RNF111: variants seen among roughly 807,000 people sequenced by gnomAD.
RNF111 encodes E3 ubiquitin-protein ligase Arkadia.
In RNF111, 17 loss-of-function variants were observed where a neutral mutation model predicts 95.1. The observed-to-expected ratio is 0.18, with a 90% CI of 0.12 to 0.27. The LOEUF (loss-of-function observed/expected upper bound fraction) is 0.27. RNF111 is among the 10% of genes least tolerant of loss of function. The probability of loss-of-function intolerance (pLI) is 1.00; values close to 1 mark genes in which losing one functional copy is unlikely to be tolerated. For missense variants in RNF111, 1,189 were observed against 1,210.4 expected (o/e 0.98, Z 0.26); for synonymous variants, 440 against 414.8 (o/e 1.06, Z -0.74).
chr15:59,059,390 C>T (rs556672921), intron 5 of RNF111, among the ~76,000 whole-genome samples: 94 of 152,246 alleles, frequency 6.2e-4, no homozygotes, highest in African/African-American at 2.0e-3. Flanking sequence ...GAAATTGGAA[C>T]CCTTGCGAAT....
chr15:59,076,202 C>T lies in RNF111; in HGVS notation c.1935C>T (p.Tyr645=), dbSNP rs2043159222. The T allele has an allele frequency of 6.2e-7, 1 of 1,613,266 alleles. No homozygotes were observed. Among genetic ancestry groups the T allele is most frequent in the Admixed American group, 1.7e-5 (1 of 59,996 alleles). ...PQPSLSSCRH[Y]MPPPYASLTR... ...CCTCTCTCTCATCATGTCGACATTA[C>T]ATGCCACCCCCTTGTAAGTATATAC... The change falls in exon 7 of 14, where the codon TAC becomes TAT. Residue 645 remains tyrosine, a synonymous_variant. Transcript: ENST00000348370.
rs146289847 is a variant in RNF111 at position 58,994,172 on chromosome 15, G to A, written c.-20+6104G>A. 4.6e-5 allele frequency among the ~76,000 whole-genome samples: 7 copies of A among 151,060 alleles called. No individual in the cohort carries two copies. The East Asian group carries it at 1.4e-3, about 30-fold the overall frequency. On this transcript the variant is annotated intron_variant, in intron 1 of 13. Coordinates refer to ENST00000348370, the MANE Select transcript of RNF111 (RefSeq NM_017610.8). ...CCTGACTCACCCTCCCAGGTAGCTG[G>A]GATTAGAGGTGCACGCTACCACGCT...
intron 5 of RNF111, among the ~76,000 whole-genome samples, chr15:59,062,309 T>C (rs766196560): frequency 6.6e-5 from 10 of 152,108 alleles, no homozygotes; most frequent in Non-Finnish European, 1.0e-4. Flanking sequence ...TTCCAAAGTG[T>C]TGGGATTACA....
chr15:58,998,722 T>C (rs985875599), intron 1 of RNF111, among the ~76,000 whole-genome samples: 1 of 152,196 alleles, frequency 6.6e-6, no homozygotes, highest in South Asian at 2.1e-4. Context: ...ATTCAAACTT[T>C]CAAGCAAAAA....
intron 1 of RNF111, among the ~76,000 whole-genome samples, chr15:59,019,723 C>G (rs1226895422): frequency 5.3e-5 from 8 of 152,152 alleles, no homozygotes; most frequent in African/African-American, 1.9e-4. Flanking sequence ...CTTTGGGAAG[C>G]TGAGGTGGGT....
chr15:59,093,162 C>T (rs543184417), intron 13 of RNF111, among the ~76,000 whole-genome samples: 7 of 152,156 alleles, frequency 4.6e-5, no homozygotes, highest in Admixed American at 3.3e-4. Flanking sequence ...AATATACTGC[C>T]TATTGTAGGG....
intron 4 of RNF111, 39 bp downstream of exon 4, chr15:59,055,884 G>C (rs376241962): frequency 6.6e-7 from 1 of 1,518,496 alleles, no homozygotes; most frequent in African/African-American, 1.4e-5. Context: ...TATGAAAGGA[G>C]TTTGATAAAA....
At chr15:59,020,953 G>C (rs1299045411) in intron 1 of RNF111, among the ~76,000 whole-genome samples, 1 of 152,112 alleles carries the variant, frequency 6.6e-6, no homozygotes, top group Non-Finnish European at 1.5e-5. Flanking sequence ...TGGGGAACAG[G>C]TGGTGTTTGG....
rs1324242682 is a variant in RNF111 at position 59,058,205 on chromosome 15, T to C, written c.1172-151T>C. 15 of 640,230 alleles carry C rather than the reference T, an allele frequency of 2.3e-5. No homozygotes were observed. In the Admixed American group the frequency reaches 4.6e-4, roughly 19 times the overall value. The allele number at this position is 640,230 out of a possible 1,614,324, so 39.7% of individuals were successfully genotyped here. Reference sequence around the variant, plus strand: ...GTCTGTTCGATATTGCAGTTTAGCTTTGTGAACGCTTTCTTTACCAAATGT... The same window carrying C: ...GTCTGTTCGATATTGCAGTTTAGCTCTGTGAACGCTTTCTTTACCAAATGT... On this transcript the variant is annotated intron_variant, in intron 4 of 13. Transcript: ENST00000348370.
At chr15:59,050,037 G>T (rs1473738046) in intron 2 of RNF111, among the ~76,000 whole-genome samples, 1 of 150,062 alleles carries the variant, frequency 6.7e-6, no homozygotes, top group Non-Finnish European at 1.5e-5. Context: ...ACCACGCCCG[G>T]CCCACAGTAG....
At position 59,030,837 on chromosome 15, in the gene RNF111, T is replaced by G; in HGVS notation, c.15T>G (p.Thr5=). 6.3e-7 allele frequency: 1 copy of G among 1,585,406 alleles called. No homozygotes were observed. Among genetic ancestry groups the G allele is most frequent in the Non-Finnish European group, 8.6e-7 (1 of 1,165,926 alleles). The change falls in exon 2 of 14, where the codon ACT becomes ACG. Residue 5 remains threonine (T), a synonymous_variant. Transcript: ENST00000348370. The part of the protein sequence containing the change: MSQW[T]PEYNELYTLK... Reference sequence around the variant, plus strand: ...TAAAGTTTCCCATGTCTCAATGGACTCCTGAATATAACGAGCTCTACACCT... The same window carrying G: ...TAAAGTTTCCCATGTCTCAATGGACGCCTGAATATAACGAGCTCTACACCT...
intron 10 of RNF111, among the ~76,000 whole-genome samples, chr15:59,086,655 A>C (rs1236673547): frequency 6.6e-6 from 1 of 152,218 alleles, no homozygotes; most frequent in Admixed American, 6.5e-5. Context: ...TTCTAAGCAG[A>C]CTGGATTATG....
At chr15:59,080,299 T>G (rs1417680897) in intron 7 of RNF111, among the ~76,000 whole-genome samples, 2 of 151,968 alleles carry the variant, frequency 1.3e-5, no homozygotes, top group African/African-American at 4.8e-5. Flanking sequence ...TTTTGTATTT[T>G]TAGTGGAGAC....
chr15:59,087,814 C>A (rs2078939765), intron 10 of RNF111, among the ~76,000 whole-genome samples: 1 of 151,980 alleles, frequency 6.6e-6, no homozygotes, highest in Non-Finnish European at 1.5e-5. Context: ...CAAGGGTGAA[C>A]TGTAATATGG....
At chr15:59,035,463 A>G (rs2041132453) in intron 2 of RNF111, among the ~76,000 whole-genome samples, 4 of 152,302 alleles carry the variant, frequency 2.6e-5, no homozygotes, top group South Asian at 2.1e-4. Flanking sequence ...CCTAGATGCA[A>G]TGAGGGTACA....
At chr15:59,090,385 A>G (rs1294403561) in intron 11 of RNF111, among the ~76,000 whole-genome samples, 1 of 152,240 alleles carries the variant, frequency 6.6e-6, no homozygotes, top group African/African-American at 2.4e-5. Context: ...GCCCGCCACC[A>G]CGCCCGGCTA....
rs745812172 is a variant in RNF111 at position 59,097,088 on chromosome 15, A to G, written c.*2188A>G. The G allele has an allele frequency of 6.6e-6, 1 of 152,260 alleles. No homozygotes were observed. The highest frequency in any genetic ancestry group is 1.5e-5 in the Non-Finnish European group (1 of 68,046). The allele number at this position is 152,260 out of a possible 1,614,324, so 9.4% of individuals were successfully genotyped here. ...TGTTAATATAGGAGCTTATTAAGCT[A>G]CTGCCATTAGTTATCGAAAAATGTG... On this transcript the variant is annotated 3_prime_UTR_variant, in exon 14 of 14. Transcript: ENST00000348370.
rs867345244 is a variant in RNF111 at position 58,997,774 on chromosome 15, C to G, written c.-20+9706C>G. The stretch of plus-strand genomic sequence containing the variant: ...GAGGTTGCAGTGAGCCAAGATTGCG[C>G]CACTGCACTCCAGCCTGGCGACAGT... On this transcript the variant is annotated intron_variant, in intron 1 of 13. Coordinates refer to ENST00000348370, the MANE Select transcript of RNF111 (RefSeq NM_017610.8). Among the ~76,000 whole-genome samples the G allele has an allele frequency of 4.0e-5, 6 of 151,102 alleles. No individual in the cohort carries two copies. The Middle Eastern group carries it at 0.01, about 257-fold the overall frequency.
chr15:59,053,997 G>A lies in RNF111; in HGVS notation c.1007+1566G>A, dbSNP rs556425382. 5.3e-5 allele frequency among the ~76,000 whole-genome samples: 8 copies of A among 152,186 alleles called. No individual in the cohort carries two copies. The South Asian group carries it at 1.2e-3, about 24-fold the overall frequency. On this transcript the variant is annotated intron_variant, in intron 3 of 13. Coordinates refer to ENST00000348370, the MANE Select transcript of RNF111 (RefSeq NM_017610.8). ...GTCACCCAGGCTGGAGGGCAGTGGC[G>A]CCATCTTGGCTCACCGCAGCCTCCA...
Sources: allele counts gnomAD v4.1 joint callset (sites outside exome capture counted in the v4.1 genomes callset), GRCh38; gene constraint gnomAD v4.1.1; transcripts MANE v1.5; gene names NCBI Gene and HGNC (gene_info 2026-07-23, HGNC 2026-07-21).